The following BLTP1 variants were observed in gnomAD, a reference collection of about 807,000 sequenced individuals.
BLTP1 encodes fragile site-associated protein.
chr4:122,172,160 T>C, the BLTP1 span: 1 of 326,924 alleles, frequency 3.1e-6, no homozygotes, highest in African/African-American at 2.2e-5. Flanking sequence ...GCCCTGGGAA[T>C]TGTATTTTAT....
At chr4:122,349,908 A>G in the BLTP1 span, 1 of 1,613,862 alleles carries the variant, frequency 6.2e-7, no homozygotes, top group East Asian at 2.2e-5. The surrounding 1 kb of genome is among the most constrained non-coding windows in gnomAD (Gnocchi z 4.5). Context: ...AAGTAATGAT[A>G]TCAAGGTCAA....
the BLTP1 span, chr4:122,334,353 A>C: frequency 6.4e-7 from 1 of 1,568,798 alleles, no homozygotes; most frequent in Non-Finnish European, 8.8e-7. Context: ...GTTGCATTAC[A>C]ATTCCAAGAC....
chr4:122,194,111 T>C, the BLTP1 span, among the ~76,000 whole-genome samples: 3 of 152,102 alleles, frequency 2.0e-5, no homozygotes, highest in Non-Finnish European at 4.4e-5. Context: ...ATCCGCCCGC[T>C]TCGGCCTCTC....
the BLTP1 span, chr4:122,347,774 G>A: frequency 1.2e-5 from 19 of 1,611,828 alleles, no homozygotes; most frequent in Non-Finnish European, 1.4e-5. Context: ...TCAGTTCCTC[G>A]AAGAGGTAAC....
At chr4:122,234,711 T>G in the BLTP1 span, 5 of 1,518,546 alleles carry the variant, frequency 3.3e-6, no homozygotes, top group Non-Finnish European at 4.4e-6. Context: ...TCAAAAAGTT[T>G]TTCATTTCTT....
chr4:122,207,156 A>C, the BLTP1 span: 1 of 1,609,044 alleles, frequency 6.2e-7, no homozygotes, highest in Non-Finnish European at 8.5e-7. Flanking sequence ...ACATTTTTTC[A>C]TTTGTTCCAT....
the BLTP1 span, among the ~76,000 whole-genome samples, chr4:122,176,994 A>T: frequency 6.6e-6 from 1 of 151,934 alleles, no homozygotes; most frequent in African/African-American, 2.4e-5. Flanking sequence ...AACACATTAA[A>T]CTCTGTCATT....
chr4:122,273,869 A>G, the BLTP1 span, among the ~76,000 whole-genome samples: 1 of 152,092 alleles, frequency 6.6e-6, no homozygotes, highest in Non-Finnish European at 1.5e-5. Flanking sequence ...ATAATGCTAA[A>G]TGAAAAAAGT....
the BLTP1 span, chr4:122,196,882 G>A: frequency 3.3e-6 from 2 of 605,066 alleles, no homozygotes; most frequent in African/African-American, 1.9e-5. Context: ...CCCATACTTG[G>A]ATTAATTTAT....
the BLTP1 span, among the ~76,000 whole-genome samples, chr4:122,340,174 G>A: frequency 1.3e-5 from 2 of 152,014 alleles, no homozygotes; most frequent in Non-Finnish European, 2.9e-5. Context: ...CGTAACTGAG[G>A]GTGTACAGCT....
chr4:122,159,288 C>A, the BLTP1 span, among the ~76,000 whole-genome samples: 3 of 151,746 alleles, frequency 2.0e-5, no homozygotes, highest in East Asian at 5.8e-4. Context: ...ATGGTGAAAC[C>A]CCGTCTCTAT....
At chr4:122,355,056 T>C in the BLTP1 span, among the ~76,000 whole-genome samples, 1 of 152,022 alleles carries the variant, frequency 6.6e-6, no homozygotes, top group Non-Finnish European at 1.5e-5. Flanking sequence ...TAGAGACTGT[T>C]AAAAATGTTC....
the BLTP1 span, chr4:122,197,091 C>G: frequency 4.4e-6 from 3 of 678,502 alleles, no homozygotes; most frequent in Non-Finnish European, 4.6e-6. Flanking sequence ...ACTTGTAATA[C>G]TTACTTAACA....
At chr4:122,207,011 AG>A in the BLTP1 span, 1 of 1,158,366 alleles carries the variant, frequency 8.6e-7, no homozygotes, top group Non-Finnish European at 1.2e-6. Context: ...GTTACACAAA[AG>A]AAAAATTCAT....
the BLTP1 span, chr4:122,234,683 CTTATA>C: frequency 1.1e-5 from 14 of 1,287,478 alleles, no homozygotes; most frequent in East Asian, 5.1e-5. Context: ...TTACAATTAA[CTTATA>C]TTTAATTATC....
the BLTP1 span, chr4:122,309,307 A>T: frequency 1.2e-6 from 2 of 1,613,222 alleles, no homozygotes; most frequent in Admixed American, 3.3e-5. Context: ...CTGCTTTGGT[A>T]TTAACCATTG....
chr4:122,339,131 CATTTCAATATTATTTCTATT>C, the BLTP1 span: 1 of 1,457,748 alleles, frequency 6.9e-7, no homozygotes, highest in Non-Finnish European at 9.3e-7. Flanking sequence ...TTTATTTGAA[CATTTCAATATTATTTCTATT>C]TAAAACTTTT....
chr4:122,282,835 C>CT, the BLTP1 span, among the ~76,000 whole-genome samples: 1 of 151,924 alleles, frequency 6.6e-6, no homozygotes, highest in East Asian at 1.9e-4. Flanking sequence ...TTTTATTTGA[C>CT]TAAGAGCTCC....
chr4:122,350,505 G>A, the BLTP1 span: 20 of 493,556 alleles, frequency 4.1e-5, no homozygotes, highest in African/African-American at 8.4e-5. Flanking sequence ...GAGATCTAGT[G>A]GTGGACAGAA....
Sources: gnomAD v4.1 joint callset for allele counts (sites outside exome capture counted in the v4.1 genomes callset) on GRCh38, gnomAD v4.1.1 for gene constraint, Gnocchi (gnomAD v3.1) non-coding constraint, MANE v1.5 for transcripts, NCBI Gene and HGNC (gene_info 2026-07-23, HGNC 2026-07-21) for gene names.